Variants in PRKCQ observed in about 807,000 individuals in gnomAD.
PRKCQ encodes protein kinase C theta, also known as protein kinase C theta type.
In PRKCQ, 41 loss-of-function variants were observed where a neutral mutation model predicts 91.2. That is an observed-to-expected ratio of 0.45 (90% CI 0.35 to 0.58). The LOEUF (loss-of-function observed/expected upper bound fraction) is 0.58, where lower values mean the gene tolerates loss of function less well. PRKCQ is among the 20% of genes least tolerant of loss of function. The pLI, the probability that PRKCQ is intolerant of heterozygous loss-of-function variation, is 0.00. For synonymous variants in PRKCQ, 307 were observed against 316.9 expected (o/e 0.97, Z 0.33); for missense variants, 673 against 896.5 (o/e 0.75, Z 3.18).
At chr10:6,419,302 T>C in the PRKCQ span, among the ~76,000 whole-genome samples, 1 of 152,150 alleles carries the variant, frequency 6.6e-6, no homozygotes, top group Non-Finnish European at 1.5e-5. Context: ...GTATTCAAAG[T>C]AATAAATACA....
intron 1 of PRKCQ, among the ~76,000 whole-genome samples, chr10:6,549,957 A>G (rs1840120332): frequency 1.3e-5 from 2 of 151,948 alleles, no homozygotes; most frequent in South Asian, 4.1e-4. Flanking sequence ...AATCATTTTC[A>G]ATGTATAGTT....
intron 11 of PRKCQ, 94 bp from the exon 12 acceptor site, chr10:6,479,259 G>A (rs975731833): frequency 4.0e-5 from 56 of 1,417,578 alleles, no homozygotes; most frequent in Non-Finnish European, 5.2e-5. Context: ...TGTGTTGGGT[G>A]GGAAAAGGGG....
At chr10:6,433,886 C>G (rs1833543511) in intron 16 of PRKCQ, among the ~76,000 whole-genome samples, 1 of 151,818 alleles carries the variant, frequency 6.6e-6, no homozygotes, top group Admixed American at 6.6e-5. Flanking sequence ...CAAAAATTAG[C>G]CGGGTGTGGT....
rs570525705 is a variant in PRKCQ, at chr10:6,505,612, C to T, written c.379+1824G>A. The stretch of plus-strand genomic sequence containing the variant: ...TTCCTCTCTCTCACCCTCTCTCTCT[C>T]TCCCTTCCTTCCTTCCTTCCCTCCC... On this transcript the variant is annotated intron_variant, in intron 4 of 17. Coordinates refer to ENST00000263125, the MANE Select transcript of PRKCQ (RefSeq NM_006257.5). Among the ~76,000 whole-genome samples, 20 of 122,988 alleles carry T rather than the reference C, an allele frequency of 1.6e-4. No homozygotes were observed. In the South Asian group the frequency reaches 5.1e-3, roughly 31 times the overall value. 80.7% of individuals were successfully genotyped at this position (122,988 alleles called of 152,430 possible).
the PRKCQ span, among the ~76,000 whole-genome samples, chr10:6,401,722 T>C: frequency 6.6e-6 from 1 of 152,200 alleles, no homozygotes; most frequent in South Asian, 2.1e-4. Context: ...TGGGAGCTGT[T>C]GACCCGCCGT....
intron 14 of PRKCQ, among the ~76,000 whole-genome samples, chr10:6,459,034 C>G (rs1195238848): frequency 6.6e-6 from 1 of 152,168 alleles, no homozygotes; most frequent in Non-Finnish European, 1.5e-5. Context: ...TTTTCATCGA[C>G]CAACAGCAGC....
chr10:6,489,033 T>A (rs537885976), intron 8 of PRKCQ, among the ~76,000 whole-genome samples: 1 of 152,312 alleles, frequency 6.6e-6, no homozygotes, highest in East Asian at 1.9e-4. Context: ...TCCTTCCGCA[T>A]TGCCCTCCCA....
chr10:6,456,232 A>G (rs1834996352), intron 15 of PRKCQ, among the ~76,000 whole-genome samples: 1 of 152,220 alleles, frequency 6.6e-6, no homozygotes, highest in South Asian at 2.1e-4. Flanking sequence ...TCAGCATTAT[A>G]CCCATTTTAC....
chr10:6,491,896 C>A, intron 7 of PRKCQ, 84 bp from the exon 8 acceptor site: 1 of 1,549,900 alleles, frequency 6.5e-7, no homozygotes, highest in Non-Finnish European at 8.9e-7. Context: ...GCATAACTAA[C>A]AGAGATCATA....
intron 12 of PRKCQ, among the ~76,000 whole-genome samples, chr10:6,467,307 GA>G (rs1835708412): frequency 7.3e-6 from 1 of 136,162 alleles, no homozygotes; most frequent in Non-Finnish European, 1.7e-5. Flanking sequence ...GAGAGAGAGA[GA>G]GAGAGAGAGA....
At chr10:6,446,839 G>A (rs747091027) in intron 15 of PRKCQ, among the ~76,000 whole-genome samples, 3 of 152,182 alleles carry the variant, frequency 2.0e-5, no homozygotes, top group South Asian at 4.1e-4. Context: ...AAGGAAACCC[G>A]GGAAAGCAGC....
chr10:6,420,999 CCTCT>C, the PRKCQ span, among the ~76,000 whole-genome samples: 1 of 151,574 alleles, frequency 6.6e-6, no homozygotes, highest in Non-Finnish European at 1.5e-5. Context: ...ATCTTTTTTT[CCTCT>C]CTAATTATTA....
the PRKCQ span, among the ~76,000 whole-genome samples, chr10:6,413,858 A>AATGCCACTTGTGCACAC: frequency 6.6e-6 from 1 of 152,282 alleles, no homozygotes; most frequent in African/African-American, 2.4e-5. Context: ...CACTGGATTA[A>AATGCCACTTGTGCACAC]ACAGCTAAAA....
At chr10:6,506,476 A>G (rs1315381131) in intron 4 of PRKCQ, among the ~76,000 whole-genome samples, 1 of 152,232 alleles carries the variant, frequency 6.6e-6, no homozygotes, top group Non-Finnish European at 1.5e-5. Context: ...GCCTTTTACT[A>G]AAATATTTCA....
chr10:6,507,987 T>G (rs1685453417), intron 3 of PRKCQ, among the ~76,000 whole-genome samples: 1 of 152,188 alleles, frequency 6.6e-6, no homozygotes, highest in African/African-American at 2.4e-5. Context: ...GGGCATTCAA[T>G]GGGGATGGCT....
In PRKCQ at chr10:6,511,095, A is replaced by G. The variant is rs768130660; in HGVS notation, c.218T>C (p.Ile73Thr). Reference protein sequence around the residue: ...HINKGRVMQIIVKGKNVDLIS... With the variant: ...HINKGRVMQITVKGKNVDLIS... ...GAGGTCCACGTTTTTGCCTTTCACAATGATCTGCATGACTCTTCCCTTGTT... is the reference window on the plus strand; with the variant it reads ...GAGGTCCACGTTTTTGCCTTTCACAGTGATCTGCATGACTCTTCCCTTGTT... Residue 73 changes from isoleucine (I) to threonine (T), a missense_variant, in exon 3 of 18, where the codon ATT becomes ACT. Coordinates refer to ENST00000263125, the MANE Select transcript of PRKCQ (RefSeq NM_006257.5). The G allele has an allele frequency of 1.4e-5, 23 of 1,614,012 alleles. No individual in the cohort carries two copies. Among genetic ancestry groups the G allele is most frequent in the East Asian group, 2.2e-5 (1 of 44,890 alleles).
the PRKCQ span, among the ~76,000 whole-genome samples, chr10:6,395,221 G>A: frequency 6.6e-6 from 1 of 152,008 alleles, no homozygotes; most frequent in South Asian, 2.1e-4. Context: ...CTGCCACCGT[G>A]CCCGGCTAAT....
chr10:6,445,017 G>T (rs113861083), intron 15 of PRKCQ, among the ~76,000 whole-genome samples: 1 of 150,802 alleles, frequency 6.6e-6, no homozygotes, highest in Non-Finnish European at 1.5e-5. Context: ...CCAGCTACTC[G>T]GGAGGCTGAG....
chr10:6,405,652 G>A, the PRKCQ span, among the ~76,000 whole-genome samples: 3 of 152,176 alleles, frequency 2.0e-5, no homozygotes, highest in East Asian at 1.9e-4. Context: ...TTTGCCTTGC[G>A]TCTTCCCAAC....
Sources: allele counts gnomAD v4.1 joint callset (sites outside exome capture counted in the v4.1 genomes callset), GRCh38; gene constraint gnomAD v4.1.1; transcripts MANE v1.5; gene names NCBI Gene and HGNC (gene_info 2026-07-23, HGNC 2026-07-21).